GALNT13: variants seen among roughly 807,000 people sequenced by gnomAD.
GALNT13 encodes polypeptide N-acetylgalactosaminyltransferase 13, also known as UDP-GalNAc:polypeptide N-acetylgalactosaminyltransferase 13.
A neutral mutation model predicts 64.2 loss-of-function variants in GALNT13; 28 were observed. That is an observed-to-expected ratio of 0.44 (90% confidence interval 0.32 to 0.60). The LOEUF (loss-of-function observed/expected upper bound fraction) is 0.60, where lower values mean the gene tolerates loss of function less well. GALNT13 is among the 20% of genes least tolerant of loss of function. The probability of loss-of-function intolerance (pLI) is 0.05; values close to 1 mark genes in which losing one functional copy is unlikely to be tolerated. For synonymous variants in GALNT13, 214 were observed against 224.6 expected (o/e 0.95, Z 0.42); for missense variants, 577 against 669.8 (o/e 0.86, Z 1.53).
At chr2:154,077,093 T>G (rs1701027484) in intron 3 of GALNT13, among the ~76,000 whole-genome samples, 1 of 151,654 alleles carries the variant, frequency 6.6e-6, no homozygotes, top group African/African-American at 2.4e-5. Context: ...CACTAGGAAT[T>G]TATTAGTATA....
intron 12 of GALNT13, among the ~76,000 whole-genome samples, chr2:154,440,382 G>A (rs2105476170): frequency 6.6e-6 from 1 of 151,760 alleles, no homozygotes; most frequent in South Asian, 2.1e-4. Flanking sequence ...GCAATTTGGT[G>A]TATATTTTGG....
the GALNT13 span, among the ~76,000 whole-genome samples, chr2:153,277,865 G>GT: frequency 1.4e-5 from 2 of 142,242 alleles, no homozygotes; most frequent in Non-Finnish European, 3.1e-5. Context: ...TTTAAATGCA[G>GT]TTTTTTGGTT....
chr2:153,478,742 G>A, the GALNT13 span: 5 of 605,898 alleles, frequency 8.3e-6, no homozygotes, highest in East Asian at 1.2e-4. Flanking sequence ...TCTCCGACGC[G>A]CGCAGCAGCT....
intron 8 of GALNT13, chr2:154,286,694 G>T (rs1692287226): frequency 3.3e-6 from 1 of 307,182 alleles, no homozygotes; most frequent in Non-Finnish European, 6.5e-6. Flanking sequence ...GCTGGACACA[G>T]AGCTGCCATC....
the GALNT13 span, among the ~76,000 whole-genome samples, chr2:153,128,457 A>G: frequency 4.2e-3 from 634 of 151,978 alleles, 2 homozygotes; most frequent in African/African-American, 0.014. Flanking sequence ...TGATTCAATT[A>G]TTTCCCATGG....
chr2:153,982,683 G>A lies in GALNT13; in HGVS notation c.142+38044G>A, dbSNP rs548199442. Among the ~76,000 whole-genome samples the A allele has an allele frequency of 7.2e-5, 11 of 152,126 alleles. No homozygotes were observed. In the South Asian group the frequency reaches 1.0e-3, roughly 14 times the overall value. On this transcript the variant is annotated intron_variant, in intron 3 of 12. Coordinates refer to ENST00000392825, the MANE Select transcript of GALNT13 (RefSeq NM_052917.4). ...TGTTTCCTTTAACAAGCACCGTGAT[G>A]AGGCTGTAACTTCTACCTTGATGTT...
At chr2:153,276,741 C>T in the GALNT13 span, among the ~76,000 whole-genome samples, 34 of 151,874 alleles carry the variant, frequency 2.2e-4, no homozygotes, top group Non-Finnish European at 2.8e-4. Flanking sequence ...TATTTTTATC[C>T]GTCTTCTTTG....
At chr2:153,268,313 T>G in the GALNT13 span, among the ~76,000 whole-genome samples, 8 of 152,188 alleles carry the variant, frequency 5.3e-5, no homozygotes, top group Non-Finnish European at 1.0e-4. Flanking sequence ...ATGTCAGATA[T>G]CCATTAAGGC....
intron 9 of GALNT13, among the ~76,000 whole-genome samples, chr2:154,384,466 A>C (rs1254440468): frequency 6.6e-6 from 1 of 151,914 alleles, no homozygotes; most frequent in East Asian, 1.9e-4. Flanking sequence ...ATCAATTGAA[A>C]GATCACCATT....
chr2:154,080,458 G>A (rs1701216778), intron 3 of GALNT13, among the ~76,000 whole-genome samples: 1 of 151,576 alleles, frequency 6.6e-6, no homozygotes, highest in African/African-American at 2.4e-5. Flanking sequence ...CACGAGGGCA[G>A]GAAATTGCTC....
At chr2:154,197,583 A>C (rs1423373160) in intron 4 of GALNT13, among the ~76,000 whole-genome samples, 2 of 152,076 alleles carry the variant, frequency 1.3e-5, no homozygotes, top group African/African-American at 4.8e-5. Context: ...AATTATTATT[A>C]ATATATTTAG....
At chr2:153,277,440 T>C in the GALNT13 span, among the ~76,000 whole-genome samples, 1 of 152,232 alleles carries the variant, frequency 6.6e-6, no homozygotes, top group African/African-American at 2.4e-5. Context: ...GACATTTTAT[T>C]TACCCAGTGC....
intron 8 of GALNT13, among the ~76,000 whole-genome samples, chr2:154,299,835 A>T (rs964947049): frequency 6.6e-6 from 1 of 151,910 alleles, no homozygotes; most frequent in South Asian, 2.1e-4. Context: ...TTCTTCTCGT[A>T]TATTCATCTG....
chr2:153,303,757 G>GA, the GALNT13 span, among the ~76,000 whole-genome samples: 78 of 152,110 alleles, frequency 5.1e-4, 2 homozygotes, highest in East Asian at 0.015. Flanking sequence ...GTTTTTTCAT[G>GA]AAAAATATAT....
At chr2:153,308,138 C>G in the GALNT13 span, among the ~76,000 whole-genome samples, 1 of 152,106 alleles carries the variant, frequency 6.6e-6, no homozygotes, top group Non-Finnish European at 1.5e-5. Flanking sequence ...GACAGTAATA[C>G]CTCTTTATAA....
At chr2:153,911,702 A>AT (rs1351056095) in intron 2 of GALNT13, among the ~76,000 whole-genome samples, 1 of 152,030 alleles carries the variant, frequency 6.6e-6, no homozygotes, top group Non-Finnish European at 1.5e-5. Context: ...CTTGGTCAGA[A>AT]TTTATCTTTT....
the GALNT13 span, among the ~76,000 whole-genome samples, chr2:153,669,295 C>T: frequency 1.3e-5 from 2 of 152,206 alleles, no homozygotes; most frequent in African/African-American, 4.8e-5. Context: ...ATGTGAAACT[C>T]ACCTTCCCTA....
intron 3 of GALNT13, among the ~76,000 whole-genome samples, chr2:153,977,662 C>G (rs954086065): frequency 5.3e-5 from 8 of 152,082 alleles, no homozygotes; most frequent in Non-Finnish European, 7.4e-5. Context: ...GTGTAGTTCT[C>G]AAACCAGCAT....
In GALNT13 at chr2:154,034,981, A is replaced by G. The variant is rs916015599; in HGVS notation, c.142+90342A>G. ...TTTAGTGGGAATGTAAATTAGTACA[A>G]TGTCTATGGAAAAAAATATGATGCT... On this transcript the variant is annotated intron_variant, in intron 3 of 12. Transcript: ENST00000392825. Among the ~76,000 whole-genome samples the G allele has an allele frequency of 5.9e-5, 9 of 152,256 alleles. No homozygotes were observed. In the South Asian group the frequency reaches 1.9e-3, roughly 32 times the overall value.
Sources: gnomAD v4.1 joint callset for allele counts (sites outside exome capture counted in the v4.1 genomes callset) on GRCh38, gnomAD v4.1.1 for gene constraint, MANE v1.5 for transcripts, NCBI Gene and HGNC (gene_info 2026-07-23, HGNC 2026-07-21) for gene names.